The following GRID2IP variants were observed in gnomAD, a reference collection of about 807,000 sequenced individuals.
GRID2IP encodes delphilin.
GRID2IP carries 78 observed loss-of-function variants against 114.3 expected under a neutral mutation model. The ratio of observed to expected loss-of-function variants is 0.68; its 90% confidence interval spans 0.57 to 0.82. The LOEUF (loss-of-function observed/expected upper bound fraction) is 0.82. Among genes scored for constraint, GRID2IP ranks in the 40% least tolerant of loss-of-function variants. GRID2IP has a pLI of 0.00. For synonymous variants in GRID2IP, 809 were observed against 724.0 expected (o/e 1.12, Z -1.89); for missense variants, 1,727 against 1,678.5 (o/e 1.03, Z -0.51).
intron 20 of GRID2IP, among the ~76,000 whole-genome samples, 195 bp downstream of exon 20, chr7:6,501,586 C>T (rs937574518): frequency 6.6e-6 from 1 of 152,048 alleles, no homozygotes; most frequent in African/African-American, 2.4e-5. Context: ...CAGAGTGAGA[C>T]CCTGCCTCAA....
chr7:6,510,919 C>A lies in GRID2IP; in HGVS notation c.1544G>T (p.Gly515Val). 1 of 1,549,742 alleles carries A rather than the reference C, an allele frequency of 6.5e-7. No homozygotes were observed. Among genetic ancestry groups the A allele is most frequent in the Non-Finnish European group, 8.7e-7 (1 of 1,146,000 alleles). ...GACACCAGCCTTACCGCAGCTGAGG[C>A]CGGCCTCCAGGCCCTGGGACCGGAG... The part of the protein sequence containing the change: ...RSLRSQGLEA[G>V]LSCGPSECPE... The change falls in exon 9 of 22, where the codon GGC becomes GTC. Residue 515 changes from glycine (G) to valine (V), a missense_variant. Physicochemically the swap from Gly to Val is moderately radical, Grantham distance 109 (BLOSUM62 -3). Coordinates refer to ENST00000457091, the MANE Select transcript of GRID2IP (RefSeq NM_001145118.2).
At chr7:6,537,836 C>A (rs951627859) in intron 2 of GRID2IP, among the ~76,000 whole-genome samples, 2 of 151,944 alleles carry the variant, frequency 1.3e-5, no homozygotes, top group Admixed American at 6.6e-5. Context: ...GATGACAGAG[C>A]GAGACTCCGA....
intron 20 of GRID2IP, among the ~76,000 whole-genome samples, chr7:6,499,277 C>T (rs1786346386): frequency 6.6e-6 from 1 of 150,390 alleles, no homozygotes; most frequent in Non-Finnish European, 1.5e-5. Flanking sequence ...TAGAGGTTCT[C>T]ATGACCCCTC....
chr7:6,521,935 G>A lies in GRID2IP; in HGVS notation c.942C>T (p.Ala314=). 6.4e-7 allele frequency: 1 copy of A among 1,551,466 alleles called. No individual in the cohort carries two copies. The highest frequency in any genetic ancestry group is 8.7e-7 in the Non-Finnish European group (1 of 1,146,852). The change falls in exon 5 of 22, where the codon GCC becomes GCT. Residue 314 remains alanine, a synonymous_variant. Transcript: ENST00000457091. This position sits in a 1 kb window ranked among gnomAD's most constrained non-coding sequence, Gnocchi z 4.1. The part of the protein sequence containing the change: ...VLPGSPADNA[A]LKSGDRILFL... ...AGAGGATCCGGTCACCTGACTTGAG[G>A]GCAGCATTGTCAGCTGGGCTCCCTG...
intron 2 of GRID2IP, among the ~76,000 whole-genome samples, chr7:6,530,408 C>A (rs1048834322): frequency 9.2e-5 from 14 of 152,136 alleles, no homozygotes; most frequent in Non-Finnish European, 1.8e-4. Context: ...GGGCTACAGG[C>A]ATGCACCACC....
At chr7:6,544,500 G>C (rs370623382) in intron 1 of GRID2IP, among the ~76,000 whole-genome samples, 15 of 150,270 alleles carry the variant, frequency 1.0e-4, no homozygotes, top group African/African-American at 1.5e-4. Context: ...AGGCAGTCTC[G>C]AGCTCCTGAC....
Position 6,510,607 on chromosome 7 carries a change from A to G in GRID2IP, c.1653+2T>C. On this transcript the variant is annotated splice_donor_variant, in intron 10 of 21. Transcript: ENST00000457091. LOFTEE classifies it high-confidence loss of function. ...CCACGTGGAGGGCAGAGAAGGTCTC[A>G]CCATCTTGGGGTTGGGGGTCTCAGG... 1 of 1,532,214 alleles carries G rather than the reference A, an allele frequency of 6.5e-7. No individual in the cohort carries two copies. The highest frequency in any genetic ancestry group is 8.8e-7 in the Non-Finnish European group (1 of 1,139,684). 94.9% of individuals were successfully genotyped at this position (1,532,214 alleles called of 1,614,324 possible). A position where few individuals can be genotyped will look rare whatever the true frequency, so the allele number is the denominator to read the frequency against.
intron 4 of GRID2IP, among the ~76,000 whole-genome samples, chr7:6,524,185 T>A (rs1183816556): frequency 6.6e-6 from 1 of 152,204 alleles, no homozygotes; most frequent in Non-Finnish European, 1.5e-5. Context: ...AGCATCCATT[T>A]GGCTTCCTAT....
In GRID2IP at chr7:6,509,463, G is replaced by A. The variant is rs372216995; in HGVS notation, c.1772-150C>T. The A allele has an allele frequency of 1.2e-5, 8 of 666,344 alleles. No individual in the cohort carries two copies. Among genetic ancestry groups the A allele is most frequent in the East Asian group, 3.3e-5 (1 of 29,920 alleles). 41.3% of individuals were successfully genotyped at this position (666,344 alleles called of 1,614,324 possible). A position where few individuals can be genotyped will look rare whatever the true frequency, so the allele number is the denominator to read the frequency against. On this transcript the variant is annotated intron_variant, in intron 11 of 21. Transcript: ENST00000457091. The surrounding 1 kb of genome is among the most constrained non-coding windows in gnomAD (Gnocchi z 4.9). Reference sequence around the variant, plus strand: ...GGCACAGTGCAGGAAGACCTTGAGCGGCCCTGCCTTCCAAGCATGACTAAA... The same window carrying A: ...GGCACAGTGCAGGAAGACCTTGAGCAGCCCTGCCTTCCAAGCATGACTAAA...
Position 6,513,927 on chromosome 7 carries a change from G to A in GRID2IP, c.1423+448C>T, listed in dbSNP as rs544786548. 3.0e-3 allele frequency among the ~76,000 whole-genome samples: 342 copies of A among 115,806 alleles called. 2 individuals carry two copies. The highest frequency in any genetic ancestry group is 0.025 in the Middle Eastern group (3 of 122). The allele number at this position is 115,806 out of a possible 152,430, so 76.0% of individuals were successfully genotyped here. A position where few individuals can be genotyped will look rare whatever the true frequency, so the allele number is the denominator to read the frequency against. On this transcript the variant is annotated intron_variant, in intron 8 of 21. Transcript: ENST00000457091. The stretch of plus-strand genomic sequence containing the variant: ...GGCACCACGACACTCCAGCCTGGGC[G>A]ACAGAGCAAGACTCCGTCTCAAAAA...
At position 6,501,992 on chromosome 7, in the gene GRID2IP, T is replaced by G; in HGVS notation, c.3277A>C (p.Lys1093Gln). The change falls in exon 19 of 22, where the codon AAA becomes CAA. Residue 1093 changes from lysine to glutamine, a missense_variant. Transcript: ENST00000457091. ...CCCATCCACCCACCCAGCATACCTT[T>G]GGCAGCCAGGGGCACGGTGGGCAGG... ...QDLPTVPLAAKVNQRALTSDL... is the reference protein window; with the variant it reads ...QDLPTVPLAAQVNQRALTSDL... 6.4e-7 allele frequency: 1 copy of G among 1,551,316 alleles called. No individual in the cohort carries two copies. Among genetic ancestry groups the G allele is most frequent in the Non-Finnish European group, 8.7e-7 (1 of 1,146,868 alleles).
chr7:6,542,801 G>A (rs547949690), intron 1 of GRID2IP, among the ~76,000 whole-genome samples: 1 of 152,084 alleles, frequency 6.6e-6, no homozygotes, highest in African/African-American at 2.4e-5. Context: ...AAAAACCATC[G>A]AATTGCCCAC....
chr7:6,534,539 C>G lies in GRID2IP; in HGVS notation c.584+5179G>C, dbSNP rs58974980. Among the ~76,000 whole-genome samples, 6,547 of 152,258 alleles carry G rather than the reference C, an allele frequency of 0.043. 175 individuals are homozygous for G. The highest frequency in any genetic ancestry group is 0.069 in the African/African-American group (2,869 of 41,540). On this transcript the variant is annotated intron_variant, in intron 2 of 21. Coordinates refer to ENST00000457091, the MANE Select transcript of GRID2IP (RefSeq NM_001145118.2). The surrounding 1 kb of genome is among the most constrained non-coding windows in gnomAD (Gnocchi z 4.5). ...GACCACGGACCCATCTCACCCTTTA[C>G]AGCAGCAGCGCTGTCCAAGGGAACG...
At chr7:6,527,669 G>A (rs1027971051) in intron 2 of GRID2IP, among the ~76,000 whole-genome samples, 1 of 152,072 alleles carries the variant, frequency 6.6e-6, no homozygotes, top group Non-Finnish European at 1.5e-5. Flanking sequence ...CACGATCATA[G>A]CTCATTGTAA....
Position 6,523,490 on chromosome 7 carries a change from C to T in GRID2IP, c.920-1533G>A, listed in dbSNP as rs1342282886. On this transcript the variant is annotated intron_variant, in intron 4 of 21. Coordinates refer to ENST00000457091, the MANE Select transcript of GRID2IP (RefSeq NM_001145118.2). This position sits in a 1 kb window ranked among gnomAD's most constrained non-coding sequence, Gnocchi z 4.5. Reference sequence around the variant, plus strand: ...CCATCTGTAAAAGCTTCCATCTAAGCATCCATTTGGCTTCCTATGACAGGA... The same window carrying T: ...CCATCTGTAAAAGCTTCCATCTAAGTATCCATTTGGCTTCCTATGACAGGA... Among the ~76,000 whole-genome samples, 1 of 152,194 alleles carries T rather than the reference C, an allele frequency of 6.6e-6. No homozygotes were observed. The highest frequency in any genetic ancestry group is 2.4e-5 in the African/African-American group (1 of 41,452).
intron 2 of GRID2IP, among the ~76,000 whole-genome samples, chr7:6,527,662 G>C (rs985987463): frequency 6.6e-6 from 1 of 151,662 alleles, no homozygotes. Flanking sequence ...ATCATAGCAC[G>C]ATCATAGCTC....
chr7:6,513,386 CTT>C (rs34015103), intron 8 of GRID2IP, among the ~76,000 whole-genome samples: 2 of 144,650 alleles, frequency 1.4e-5, no homozygotes, highest in Non-Finnish European at 1.5e-5. Context: ...TAAATTAAAA[CTT>C]TTTTTTTTTT....
rs373707329 is a variant in GRID2IP, at chr7:6,519,259, C to T, written c.1268+1319G>A. On this transcript the variant is annotated intron_variant, in intron 7 of 21. Transcript: ENST00000457091. This position sits in a 1 kb window ranked among gnomAD's most constrained non-coding sequence, Gnocchi z 4.1. Reference sequence around the variant, plus strand: ...AAAATGGACCGTGGTGATGTTTGCACGTATTTGTGAATATACTAAAAACCA... The same window carrying T: ...AAAATGGACCGTGGTGATGTTTGCATGTATTTGTGAATATACTAAAAACCA... Among the ~76,000 whole-genome samples, 6 of 152,170 alleles carry T rather than the reference C, an allele frequency of 3.9e-5. No homozygotes were observed. Among genetic ancestry groups the T allele is most frequent in the Non-Finnish European group, 5.9e-5 (4 of 68,002 alleles).
intron 10 of GRID2IP, 53 bp from the exon 11 acceptor site, chr7:6,510,453 A>T: frequency 7.1e-7 from 1 of 1,411,406 alleles, no homozygotes. Flanking sequence ...TCGTAGCCCT[A>T]ATGTGGTCCA....
Sources: allele counts gnomAD v4.1 joint callset (sites outside exome capture counted in the v4.1 genomes callset), GRCh38; gene constraint gnomAD v4.1.1; non-coding constraint Gnocchi (gnomAD v3.1); transcripts MANE v1.5; gene names NCBI Gene and HGNC (gene_info 2026-07-23, HGNC 2026-07-21).